GALNT13: variants seen among roughly 807,000 people sequenced by gnomAD.
GALNT13 encodes the protein UDP-GalNAc:polypeptide N-acetylgalactosaminyltransferase 13.
A neutral mutation model predicts 64.2 loss-of-function variants in GALNT13; 28 were observed. That is an observed-to-expected ratio of 0.44 (90% CI 0.32 to 0.60). The LOEUF (loss-of-function observed/expected upper bound fraction) is 0.60. GALNT13 is among the 20% of genes least tolerant of loss of function. GALNT13 has a pLI of 0.05. For synonymous variants in GALNT13, 214 were observed against 224.6 expected (o/e 0.95, Z 0.42); for missense variants, 577 against 669.8 (o/e 0.86, Z 1.53).
rs555876179 is a variant in GALNT13, at chr2:154,052,243, A to G, written c.143-88094A>G. On this transcript the variant is annotated intron_variant, in intron 3 of 12. Transcript: ENST00000392825. ...AGTAGGTAATCAGGAAATATTTGTG[A>G]AAGAAAAAAATATCATAACCAAGGT... 2.0e-5 allele frequency among the ~76,000 whole-genome samples: 3 copies of G among 152,276 alleles called. No homozygotes were observed. The East Asian group carries it at 5.8e-4, about 29-fold the overall frequency.
At chr2:154,153,396 G>C (rs746684785) in intron 4 of GALNT13, among the ~76,000 whole-genome samples, 30 of 152,330 alleles carry the variant, frequency 2.0e-4, no homozygotes, top group Middle Eastern at 3.4e-3. Flanking sequence ...ACCCACTTGA[G>C]GAGGCAGTCT....
the GALNT13 span, among the ~76,000 whole-genome samples, chr2:153,309,194 C>G: frequency 2.6e-4 from 39 of 152,238 alleles, no homozygotes; most frequent in African/African-American, 9.4e-4. Context: ...CTCACTCCCT[C>G]TGGCAAAAAT....
chr2:154,187,171 A>T (rs1262905167), intron 4 of GALNT13, among the ~76,000 whole-genome samples: 1 of 152,098 alleles, frequency 6.6e-6, no homozygotes, highest in African/African-American at 2.4e-5. Context: ...TCAAGATCTG[A>T]TAAAGCTCTT....
intron 9 of GALNT13, among the ~76,000 whole-genome samples, chr2:154,384,909 G>T (rs1379146918): frequency 2.6e-5 from 4 of 151,860 alleles, no homozygotes; most frequent in African/African-American, 9.6e-5. Flanking sequence ...CAACAATTAA[G>T]ATGCATTAAA....
At chr2:154,297,724 T>C (rs1693007946) in intron 8 of GALNT13, among the ~76,000 whole-genome samples, 1 of 152,172 alleles carries the variant, frequency 6.6e-6, no homozygotes, top group Non-Finnish European at 1.5e-5. Context: ...ATAGCACTAC[T>C]AGGATTTAAT....
chr2:154,003,710 G>C (rs2105227529), intron 3 of GALNT13, among the ~76,000 whole-genome samples: 1 of 152,200 alleles, frequency 6.6e-6, no homozygotes, highest in South Asian at 2.1e-4. Context: ...TGGATCATAG[G>C]GGAGGTTTCT....
chr2:153,907,406 T>C (rs567284117), intron 2 of GALNT13, among the ~76,000 whole-genome samples: 2 of 151,922 alleles, frequency 1.3e-5, no homozygotes, highest in African/African-American at 4.8e-5. Flanking sequence ...TACACTTTTT[T>C]AACTTTTATT....
chr2:154,246,796 C>T (rs1250520499), intron 7 of GALNT13, among the ~76,000 whole-genome samples: 1 of 152,038 alleles, frequency 6.6e-6, no homozygotes, highest in Non-Finnish European at 1.5e-5. Context: ...TTAGCATTGT[C>T]AACAGGTTCT....
chr2:153,589,864 T>C, the GALNT13 span, among the ~76,000 whole-genome samples: 35 of 152,282 alleles, frequency 2.3e-4, no homozygotes, highest in East Asian at 5.0e-3. Context: ...ATGAGCAAGA[T>C]GAGATTTGTG....
At chr2:154,347,916 C>G (rs1233483329) in intron 9 of GALNT13, among the ~76,000 whole-genome samples, 2 of 152,164 alleles carry the variant, frequency 1.3e-5, no homozygotes, top group Non-Finnish European at 2.9e-5. Flanking sequence ...TCAGTATGCT[C>G]TTCCCTGGAC....
chr2:154,397,609 A>G (rs1441891980), intron 10 of GALNT13, among the ~76,000 whole-genome samples: 2 of 152,210 alleles, frequency 1.3e-5, no homozygotes, highest in African/African-American at 4.8e-5. Context: ...GTAACTTTAT[A>G]AACATATCTT....
the GALNT13 span, among the ~76,000 whole-genome samples, chr2:153,233,269 G>T: frequency 6.6e-6 from 1 of 152,086 alleles, no homozygotes; most frequent in Non-Finnish European, 1.5e-5. Context: ...AGTGGCAATT[G>T]CTTCCTTTAC....
intron 3 of GALNT13, among the ~76,000 whole-genome samples, chr2:154,108,070 G>C (rs1285694193): frequency 6.6e-6 from 1 of 152,074 alleles, no homozygotes; most frequent in African/African-American, 2.4e-5. Context: ...ACATGGGGGT[G>C]CCGACATTCC....
chr2:153,481,017 A>AT, the GALNT13 span, among the ~76,000 whole-genome samples: 1 of 152,152 alleles, frequency 6.6e-6, no homozygotes, highest in Non-Finnish European at 1.5e-5. Flanking sequence ...TGGAGTCAGG[A>AT]GAGTTTTTAT....
At chr2:153,182,358 T>C in the GALNT13 span, among the ~76,000 whole-genome samples, 2 of 152,230 alleles carry the variant, frequency 1.3e-5, no homozygotes, top group Non-Finnish European at 2.9e-5. Context: ...TTTCATTTTC[T>C]TAACGGTGTT....
intron 3 of GALNT13, among the ~76,000 whole-genome samples, chr2:154,018,160 G>C (rs13033369): frequency 9.2e-5 from 14 of 152,004 alleles, no homozygotes; most frequent in African/African-American, 3.4e-4. Flanking sequence ...CAGTACATTC[G>C]CAACTGCAAT....
chr2:154,150,096 C>G (rs568745372), intron 4 of GALNT13, among the ~76,000 whole-genome samples: 1 of 152,210 alleles, frequency 6.6e-6, no homozygotes, highest in Admixed American at 6.5e-5. Flanking sequence ...TTTTGAGATA[C>G]GTCCCATCAA....
intron 9 of GALNT13, among the ~76,000 whole-genome samples, chr2:154,376,613 G>C (rs1395401792): frequency 1.3e-5 from 2 of 152,028 alleles, no homozygotes. Context: ...TATCAAAATT[G>C]TACTGAATAT....
At chr2:153,949,482 G>A (rs1692010753) in intron 3 of GALNT13, among the ~76,000 whole-genome samples, 1 of 150,534 alleles carries the variant, frequency 6.6e-6, no homozygotes, top group African/African-American at 2.5e-5. Context: ...TTGAGTCCAG[G>A]CTGGGCAATA....
Sources: allele counts gnomAD v4.1 joint callset (sites outside exome capture counted in the v4.1 genomes callset), GRCh38; gene constraint gnomAD v4.1.1; transcripts MANE v1.5; gene names NCBI Gene and HGNC (gene_info 2026-07-23, HGNC 2026-07-21).